The following KTN1 variants were observed in gnomAD, a reference collection of about 807,000 sequenced individuals.
KTN1 encodes the protein kinectin.
KTN1 carries 130 observed loss-of-function variants against 222.5 expected under a neutral mutation model. That is an observed-to-expected ratio of 0.58 (90% CI 0.51 to 0.68). The LOEUF is 0.68. Ranked by LOEUF, KTN1 falls within the 30% of genes least tolerant of loss-of-function variation. KTN1 has a pLI of 0.00. For missense variants in KTN1, 1,508 were observed against 1,500.4 expected, an observed-to-expected ratio of 1.01 and a Z score of -0.08; for synonymous variants, 512 against 496.3, an observed-to-expected ratio of 1.03 and a Z score of -0.42.
chr14:55,658,630 T>C lies in KTN1; in HGVS notation c.2961+16T>C. The C allele has an allele frequency of 6.4e-7, 1 of 1,552,528 alleles. No individual in the cohort carries two copies. Among genetic ancestry groups the C allele is most frequent in the Non-Finnish European group, 8.8e-7 (1 of 1,135,946 alleles). On this transcript the variant is annotated intron_variant, in intron 30 of 43. Coordinates refer to ENST00000395314, the MANE Select transcript of KTN1 (RefSeq NM_001079521.2). ...CTACCAACAGGTAGGTATTATTAGATGTCTTGCCTTTCACTTACGTGGCAA... is the reference window on the plus strand; with the variant it reads ...CTACCAACAGGTAGGTATTATTAGACGTCTTGCCTTTCACTTACGTGGCAA...
intron 1 of KTN1, among the ~76,000 whole-genome samples, chr14:55,606,667 T>A (rs561779700): frequency 9.2e-5 from 14 of 152,278 alleles, no homozygotes; most frequent in Admixed American, 2.0e-4. Context: ...GCCTCAGTTT[T>A]TTCTCATAAT....
In KTN1 at chr14:55,673,010, G is replaced by C; in HGVS notation, c.3685G>C (p.Glu1229Gln). The C allele has an allele frequency of 6.2e-7, 1 of 1,607,088 alleles. No individual in the cohort carries two copies. The highest frequency in any genetic ancestry group is 2.2e-5 in the East Asian group (1 of 44,764). The change falls in exon 39 of 44, where the codon GAG becomes CAG. Residue 1229 changes from glutamate to glutamine, a missense_variant and splice_region_variant. Transcript: ENST00000395314. ...ERSTYVTEVR[E>Q]LKDLLTELQK... ...ATCTACCTATGTTACAGAAGTCAGA[G>C]AGGTACTTACAACAGAATCTTTTCA...
intron 1 of KTN1, among the ~76,000 whole-genome samples, chr14:55,599,666 G>A (rs928158002): frequency 7.2e-5 from 11 of 151,990 alleles, no homozygotes; most frequent in Non-Finnish European, 1.6e-4. Context: ...TAGTAGAGAC[G>A]GGGTTTCGCC....
intron 2 of KTN1, among the ~76,000 whole-genome samples, chr14:55,613,218 G>A (rs1329478554): frequency 2.6e-5 from 4 of 152,172 alleles, no homozygotes; most frequent in African/African-American, 9.7e-5. Flanking sequence ...TAATGGTCTA[G>A]ATATGTCTAA....
At chr14:55,636,208 T>C (rs1260236666) in intron 9 of KTN1, among the ~76,000 whole-genome samples, 4 of 152,086 alleles carry the variant, frequency 2.6e-5, no homozygotes, top group African/African-American at 9.7e-5. Flanking sequence ...AAATATTGAG[T>C]CTGAAATAAT....
At chr14:55,674,023 A>G (rs991284329) in intron 40 of KTN1, 1 of 151,974 alleles carries the variant, frequency 6.6e-6, no homozygotes, top group Non-Finnish European at 1.5e-5. Flanking sequence ...AAGTACCTTA[A>G]TAAACTCTCA....
chr14:55,581,544 T>A (rs139731163), intron 1 of KTN1, among the ~76,000 whole-genome samples: 77 of 152,258 alleles, frequency 5.1e-4, no homozygotes, highest in African/African-American at 1.7e-3. Flanking sequence ...GTGTGTGTGA[T>A]GACTTTGTGG....
intron 7 of KTN1, among the ~76,000 whole-genome samples, chr14:55,632,009 C>T (rs2040590477): frequency 6.6e-6 from 1 of 152,120 alleles, no homozygotes; most frequent in Non-Finnish European, 1.5e-5. Context: ...TTCAGAGTCC[C>T]AGTGTTTTCC....
At chr14:55,671,760 A>G (rs747560501) in intron 36 of KTN1, 25 bp from the exon 37 acceptor site, 70 of 1,579,426 alleles carry the variant, frequency 4.4e-5, no homozygotes, top group Non-Finnish European at 5.2e-5. Flanking sequence ...TGAATTTTTC[A>G]AAACAACTAT....
intron 21 of KTN1, among the ~76,000 whole-genome samples, chr14:55,649,370 G>A (rs1451799242): frequency 2.0e-5 from 3 of 147,924 alleles, no homozygotes; most frequent in African/African-American, 7.5e-5. Context: ...TGATTGCCAG[G>A]TACTGTGACA....
At chr14:55,672,830 T>C (rs1052765702) in intron 38 of KTN1, 99 bp from the exon 39 acceptor site, 10 of 1,076,938 alleles carry the variant, frequency 9.3e-6, no homozygotes, top group Non-Finnish European at 1.4e-5. Context: ...TTTGAGTTGA[T>C]ATAGTTTTAT....
intron 1 of KTN1, among the ~76,000 whole-genome samples, chr14:55,580,698 C>T (rs899589444): frequency 2.6e-5 from 4 of 152,102 alleles, no homozygotes; most frequent in African/African-American, 4.8e-5. Flanking sequence ...GAGGTCGACC[C>T]GAGCGGGCCC....
intron 1 of KTN1, among the ~76,000 whole-genome samples, chr14:55,585,782 A>C (rs1336694428): frequency 2.0e-5 from 3 of 152,252 alleles, no homozygotes; most frequent in Non-Finnish European, 4.4e-5. Flanking sequence ...ATTTTTACAA[A>C]GGAGGAGAAT....
chr14:55,596,173 A>AAAAAAAAT (rs1376306292), intron 1 of KTN1, among the ~76,000 whole-genome samples: 1 of 148,856 alleles, frequency 6.7e-6, no homozygotes, highest in African/African-American at 2.5e-5. Context: ...AAAAAAAAAA[A>AAAAAAAAT]GTAAAAATAA....
At chr14:55,644,338 A>C (rs1277004816) in intron 18 of KTN1, 1 of 701,148 alleles carries the variant, frequency 1.4e-6, no homozygotes, top group South Asian at 1.5e-5. Context: ...TACCCCATGG[A>C]TTTTTATTCT....
At position 55,630,446 on chromosome 14, in the gene KTN1, GGGC is replaced by G. The variant is rs1472162989; in HGVS notation, c.1221+350_1221+352del. On this transcript the variant is annotated intron_variant, in intron 7 of 43. Coordinates refer to ENST00000395314, the MANE Select transcript of KTN1 (RefSeq NM_001079521.2). ...TTATCAAGTAAGAGAGTAAAGAAAT[GGGC>G]ACTGAGGATAAGAGTTACTTGGTGT... 2.0e-3 allele frequency among the ~76,000 whole-genome samples: 302 copies of G among 152,274 alleles called. 1 individual carries two copies. Among genetic ancestry groups the G allele is most frequent in the African/African-American group, 6.9e-3 (285 of 41,554 alleles).
At chr14:55,611,359 C>T (rs186118456) in intron 1 of KTN1, among the ~76,000 whole-genome samples, 1 of 150,730 alleles carries the variant, frequency 6.6e-6, no homozygotes. Flanking sequence ...GCCTCAGCCT[C>T]CTAAAGTGGT....
At chr14:55,629,890 A>G in intron 6 of KTN1, 67 bp from the exon 7 acceptor site, 1 of 991,920 alleles carries the variant, frequency 1.0e-6, no homozygotes, top group Non-Finnish European at 1.6e-6. Flanking sequence ...ATCATTGTTT[A>G]TCATTGTTGC....
Position 55,634,556 on chromosome 14 carries a change from G to A in KTN1, c.1359G>A (p.Gln453=), listed in dbSNP as rs369545232. 14 of 1,613,462 alleles carry A rather than the reference G, an allele frequency of 8.7e-6. No homozygotes were observed. In the South Asian group the frequency reaches 1.4e-4, roughly 16 times the overall value. ...CTGCAGAACTAAATAAACTACGCCA[G>A]GATTATGCTAGGTTGGTGAATGAGC... is the stretch of plus-strand genomic sequence containing the variant. ...KQSAELNKLR[Q]DYARLVNELT... Residue 453 remains glutamine, a synonymous_variant, in exon 9 of 44, where the codon CAG becomes CAA. Transcript: ENST00000395314.
Sources: allele counts gnomAD v4.1 joint callset (sites outside exome capture counted in the v4.1 genomes callset), GRCh38; gene constraint gnomAD v4.1.1; transcripts MANE v1.5; gene names NCBI Gene and HGNC (gene_info 2026-07-23, HGNC 2026-07-21).